SGCZ: variants seen among roughly 807,000 people sequenced by gnomAD.
SGCZ encodes the protein sarcoglycan zeta.
A neutral mutation model predicts 41.3 loss-of-function variants in SGCZ; 40 were observed. That is an observed-to-expected ratio of 0.97 (90% CI 0.75 to 1.26). The LOEUF (loss-of-function observed/expected upper bound fraction) is 1.26. Among genes scored for constraint, SGCZ ranks in the 50% most tolerant of loss-of-function variants. SGCZ has a pLI of 0.00. For missense variants in SGCZ, 552 were observed against 369.8 expected, an observed-to-expected ratio of 1.49 and a Z score of -4.04; for synonymous variants, 206 against 137.5, an observed-to-expected ratio of 1.50 and a Z score of -3.49.
chr8:14,388,206 A>T (rs955533782), intron 2 of SGCZ, among the ~76,000 whole-genome samples: 7 of 149,298 alleles, frequency 4.7e-5, no homozygotes, highest in Admixed American at 2.0e-4. Context: ...AAAAAAAGTT[A>T]AAAAAATCCT....
intron 2 of SGCZ, among the ~76,000 whole-genome samples, chr8:14,325,743 CACACAT>C (rs1416170711): frequency 1.5e-5 from 1 of 66,870 alleles, no homozygotes; most frequent in East Asian, 4.0e-4. Flanking sequence ...CACACACACA[CACACAT>C]ATATATATAT....
intron 2 of SGCZ, among the ~76,000 whole-genome samples, chr8:14,541,905 G>A (rs1326517704): frequency 6.6e-6 from 1 of 152,024 alleles, no homozygotes; most frequent in Non-Finnish European, 1.5e-5. Flanking sequence ...TTTTCCATAT[G>A]TTTGTTGGCC....
intron 3 of SGCZ, among the ~76,000 whole-genome samples, chr8:14,263,379 T>C (rs993130097): frequency 6.6e-6 from 1 of 151,938 alleles, no homozygotes; most frequent in African/African-American, 2.4e-5. Flanking sequence ...TGAAACCCCA[T>C]CTCTACCAAA....
intron 2 of SGCZ, among the ~76,000 whole-genome samples, chr8:14,462,036 C>G (rs1226963678): frequency 1.3e-5 from 2 of 152,000 alleles, no homozygotes; most frequent in African/African-American, 4.8e-5. Flanking sequence ...ATATATACAA[C>G]AGATTTACTT....
At chr8:14,842,246 G>A (rs150765117) in intron 1 of SGCZ, among the ~76,000 whole-genome samples, 3 of 152,072 alleles carry the variant, frequency 2.0e-5, no homozygotes, top group Admixed American at 6.6e-5. Context: ...TTCTGATATC[G>A]AAACTGACAT....
chr8:15,216,522 C>T lies in SGCZ; in HGVS notation c.39+21063G>A, dbSNP rs529953130. Among the ~76,000 whole-genome samples, 7 of 151,876 alleles carry T rather than the reference C, an allele frequency of 4.6e-5. No individual in the cohort carries two copies. The East Asian group carries it at 1.4e-3, about 30-fold the overall frequency. On this transcript the variant is annotated intron_variant, in intron 1 of 7. Transcript: ENST00000382080. Reference sequence around the variant, plus strand: ...GGCATGAGCCACCGCACCTGGCCAGCTTATTCTTTCTAAAGGATGTTGGAC... The same window carrying T: ...GGCATGAGCCACCGCACCTGGCCAGTTTATTCTTTCTAAAGGATGTTGGAC...
intron 1 of SGCZ, among the ~76,000 whole-genome samples, chr8:15,187,589 T>C (rs1181426566): frequency 6.6e-6 from 1 of 152,038 alleles, no homozygotes; most frequent in Non-Finnish European, 1.5e-5. Context: ...GGAAATAGAC[T>C]CAAAATCACA....
At chr8:14,509,674 G>A (rs1003303954) in intron 2 of SGCZ, among the ~76,000 whole-genome samples, 1 of 152,118 alleles carries the variant, frequency 6.6e-6, no homozygotes, top group African/African-American at 2.4e-5. Flanking sequence ...CTTAATGCCT[G>A]TATTTGTCCA....
At chr8:14,618,417 A>T (rs897974680) in intron 1 of SGCZ, among the ~76,000 whole-genome samples, 1 of 152,190 alleles carries the variant, frequency 6.6e-6, no homozygotes, top group Admixed American at 6.6e-5. Context: ...AAAACATTCC[A>T]GTAGCCAGAA....
intron 2 of SGCZ, among the ~76,000 whole-genome samples, chr8:14,333,351 T>C (rs1164174516): frequency 6.6e-6 from 1 of 152,034 alleles, no homozygotes; most frequent in East Asian, 1.9e-4. Context: ...TAATAAGTAA[T>C]GGATTAATAA....
At chr8:14,594,293 A>G (rs1231377924) in intron 1 of SGCZ, among the ~76,000 whole-genome samples, 3 of 152,186 alleles carry the variant, frequency 2.0e-5, no homozygotes, top group Admixed American at 6.5e-5. Flanking sequence ...AAGGATTTGC[A>G]TCTTTATCAA....
At chr8:14,293,059 T>C (rs1800892653) in intron 3 of SGCZ, among the ~76,000 whole-genome samples, 1 of 152,014 alleles carries the variant, frequency 6.6e-6, no homozygotes, top group African/African-American at 2.4e-5. Context: ...ATTAACCAAA[T>C]GTATATTGAC....
chr8:14,110,352 C>A lies in SGCZ; in HGVS notation c.548-2117G>T, dbSNP rs1273155750. On this transcript the variant is annotated intron_variant, in intron 5 of 7. Transcript: ENST00000382080. ...ATAAGGTGACAGAAATATAATTAAA[C>A]ATCGGTAATATTTACTTTCAAATAC... Among the ~76,000 whole-genome samples, 4 of 152,096 alleles carry A rather than the reference C, an allele frequency of 2.6e-5. No individual in the cohort carries two copies. In the East Asian group the frequency reaches 7.7e-4, roughly 29 times the overall value.
At chr8:14,273,802 G>A (rs1338474726) in intron 3 of SGCZ, among the ~76,000 whole-genome samples, 5 of 152,060 alleles carry the variant, frequency 3.3e-5, no homozygotes, top group African/African-American at 9.7e-5. Flanking sequence ...ATAGCCTCTC[G>A]AGAGATGCAC....
At chr8:14,959,730 C>T (rs1046889088) in intron 1 of SGCZ, among the ~76,000 whole-genome samples, 1 of 152,126 alleles carries the variant, frequency 6.6e-6, no homozygotes, top group South Asian at 2.1e-4. Flanking sequence ...TCTCTGTAAT[C>T]GTTCACGCTT....
At chr8:14,914,286 AATAAG>A (rs1023718128) in intron 1 of SGCZ, among the ~76,000 whole-genome samples, 20 of 152,060 alleles carry the variant, frequency 1.3e-4, no homozygotes, top group Non-Finnish European at 2.4e-4. Flanking sequence ...AACAAAGTAA[AATAAG>A]ATATCACCGT....
At chr8:14,464,358 T>A (rs1048493996) in intron 2 of SGCZ, among the ~76,000 whole-genome samples, 1 of 151,564 alleles carries the variant, frequency 6.6e-6, no homozygotes, top group South Asian at 2.1e-4. Flanking sequence ...TATGAAGTTG[T>A]CCATTTCATT....
At position 14,887,023 on chromosome 8, in the gene SGCZ, G is replaced by A. The variant is rs115623292; in HGVS notation, c.40-332097C>T. Among the ~76,000 whole-genome samples the A allele has an allele frequency of 9.3e-3, 1,422 of 152,248 alleles. 17 individuals are homozygous for A. Among genetic ancestry groups the A allele is most frequent in the African/African-American group, 0.032 (1,320 of 41,544 alleles). On this transcript the variant is annotated intron_variant, in intron 1 of 7. Transcript: ENST00000382080. Reference sequence around the variant, plus strand: ...AGAGTTTTGGCTTAAGCAGCTGGAAGAAAGGTGATGCCATTTAGTGAGATG... The same window carrying A: ...AGAGTTTTGGCTTAAGCAGCTGGAAAAAAGGTGATGCCATTTAGTGAGATG...
intron 2 of SGCZ, among the ~76,000 whole-genome samples, chr8:14,519,403 A>G (rs971793675): frequency 6.6e-6 from 1 of 152,162 alleles, no homozygotes; most frequent in Non-Finnish European, 1.5e-5. Context: ...GCATGAAAAA[A>G]TGAAAAATGT....
Sources: allele counts gnomAD v4.1 joint callset (sites outside exome capture counted in the v4.1 genomes callset), GRCh38; gene constraint gnomAD v4.1.1; transcripts MANE v1.5; gene names NCBI Gene and HGNC (gene_info 2026-07-23, HGNC 2026-07-21).